PREX2: variants seen among roughly 807,000 people sequenced by gnomAD.
The protein encoded by PREX2 is phosphatidylinositol 3,4,5-trisphosphate-dependent Rac exchanger 2 protein.
In PREX2, 107 loss-of-function variants were observed where a neutral mutation model predicts 203.2. The ratio of observed to expected loss-of-function variants is 0.53; its 90% confidence interval spans 0.45 to 0.62. PREX2 has a LOEUF of 0.62. Among genes scored for constraint, PREX2 ranks in the 20% least tolerant of loss-of-function variants. The pLI is 0.00. For synonymous variants in PREX2, 672 were observed against 663.6 expected, an observed-to-expected ratio of 1.01 and a Z score of -0.19; for missense variants, 1,777 against 1,955.9, an observed-to-expected ratio of 0.91 and a Z score of 1.72.
At chr8:68,040,176 A>G (rs1808154843) in intron 7 of PREX2, among the ~76,000 whole-genome samples, 1 of 152,122 alleles carries the variant, frequency 6.6e-6, no homozygotes, top group African/African-American at 2.4e-5. Flanking sequence ...CTATAGGCGC[A>G]TGCTGCCACA....
chr8:68,136,304 G>A (rs937925366), intron 32 of PREX2, among the ~76,000 whole-genome samples: 1 of 152,038 alleles, frequency 6.6e-6, no homozygotes, highest in African/African-American at 2.4e-5. Context: ...ATTTATTTAA[G>A]GAATTGATTT....
At chr8:68,183,783 ACTAC>A (rs1169058892) in intron 35 of PREX2, among the ~76,000 whole-genome samples, 6 of 152,182 alleles carry the variant, frequency 3.9e-5, no homozygotes, top group Non-Finnish European at 7.3e-5. Context: ...GTGTGTCTCC[ACTAC>A]CTCTCACAAC....
intron 31 of PREX2, among the ~76,000 whole-genome samples, chr8:68,129,446 A>C (rs776748231): frequency 6.6e-6 from 1 of 152,148 alleles, no homozygotes; most frequent in Non-Finnish European, 1.5e-5. Flanking sequence ...AGGAGCCAAA[A>C]TACTTTATAT....
intron 9 of PREX2, among the ~76,000 whole-genome samples, chr8:68,055,591 A>C (rs1209432477): frequency 6.6e-6 from 1 of 152,074 alleles, no homozygotes; most frequent in Non-Finnish European, 1.5e-5. Context: ...CCCTGGCTAA[A>C]GCTTTATGCC....
At chr8:68,206,860 A>G (rs1812635841) in intron 37 of PREX2, among the ~76,000 whole-genome samples, 1 of 152,172 alleles carries the variant, frequency 6.6e-6, no homozygotes, top group South Asian at 2.1e-4. Flanking sequence ...CGCATTGGGA[A>G]GCCAGACAGC....
At chr8:68,101,691 T>G (rs540929455) in intron 23 of PREX2, among the ~76,000 whole-genome samples, 2 of 152,304 alleles carry the variant, frequency 1.3e-5, no homozygotes, top group East Asian at 3.9e-4. Context: ...AAAAGAGAGT[T>G]GTTCTACTTT....
At chr8:68,015,288 C>T (rs965471272) in intron 1 of PREX2, among the ~76,000 whole-genome samples, 9 of 152,130 alleles carry the variant, frequency 5.9e-5, no homozygotes, top group African/African-American at 2.2e-4. Context: ...CACGATTTTG[C>T]GTTCTCAGCA....
intron 10 of PREX2, among the ~76,000 whole-genome samples, chr8:68,059,952 C>T (rs1808798305): frequency 6.6e-6 from 1 of 152,212 alleles, no homozygotes; most frequent in African/African-American, 2.4e-5. Context: ...TCCTGTCATG[C>T]CACTAGCCTG....
intron 32 of PREX2, 38 bp from the exon 33 acceptor site, chr8:68,138,377 A>G (rs1811153856): frequency 9.1e-7 from 1 of 1,100,582 alleles, no homozygotes; most frequent in Non-Finnish European, 1.3e-6. Flanking sequence ...ATTGCTTTAT[A>G]TCATCTTGTA....
At position 68,097,112 on chromosome 8, in the gene PREX2, G is replaced by C; in HGVS notation, c.2464G>C (p.Val822Leu). The C allele has an allele frequency of 6.2e-7, 1 of 1,613,980 alleles. No individual in the cohort carries two copies. The highest frequency in any genetic ancestry group is 2.2e-5 in the East Asian group (1 of 44,858). ...CAATGTCCACCTGGAATATGGTGTCGTGTATGAGTACGACAGCACAGCTGG... is the reference window on the plus strand; with the variant it reads ...CAATGTCCACCTGGAATATGGTGTCCTGTATGAGTACGACAGCACAGCTGG... ...VDNVHLEYGV[V>L]YEYDSTAGIK... The change falls in exon 22 of 40, where the codon GTG (valine) becomes CTG (leucine). Residue 822 changes from valine (V) to leucine (L), a missense_variant. By Grantham distance (32) the Val-to-Leu change is conservative. Coordinates refer to ENST00000288368, the MANE Select transcript of PREX2 (RefSeq NM_024870.4).
chr8:68,139,598 C>T (rs1811185214), intron 33 of PREX2, among the ~76,000 whole-genome samples: 1 of 152,118 alleles, frequency 6.6e-6, no homozygotes, highest in African/African-American at 2.4e-5. Flanking sequence ...ATTCTAGGAC[C>T]AAGGGCAGAA....
intron 35 of PREX2, among the ~76,000 whole-genome samples, chr8:68,174,163 C>A (rs1444371625): frequency 2.6e-5 from 4 of 152,090 alleles, no homozygotes; most frequent in African/African-American, 9.7e-5. Flanking sequence ...ATGTACCATG[C>A]AGGTGAATGA....
intron 11 of PREX2, among the ~76,000 whole-genome samples, chr8:68,061,014 G>T (rs1314482090): frequency 6.6e-6 from 1 of 152,166 alleles, no homozygotes; most frequent in African/African-American, 2.4e-5. Context: ...AGAAAATAGA[G>T]AAGTGGGATT....
At chr8:68,211,411 T>G (rs1812740101) in intron 37 of PREX2, among the ~76,000 whole-genome samples, 1 of 152,338 alleles carries the variant, frequency 6.6e-6, no homozygotes, top group East Asian at 1.9e-4. Flanking sequence ...AGTTGAAATA[T>G]GATGAGATCT....
At chr8:68,044,071 G>T (rs1808271799) in intron 7 of PREX2, among the ~76,000 whole-genome samples, 1 of 152,026 alleles carries the variant, frequency 6.6e-6, no homozygotes, top group Non-Finnish European at 1.5e-5. Context: ...TTTGAAGAGG[G>T]ATCATAAGTA....
chr8:68,167,067 A>G (rs1269864349), intron 35 of PREX2, among the ~76,000 whole-genome samples: 2 of 152,228 alleles, frequency 1.3e-5, no homozygotes, highest in Non-Finnish European at 2.9e-5. Flanking sequence ...ATGGGTCTAC[A>G]TCATTGCTGT....
chr8:68,159,240 T>C (rs76137563), intron 35 of PREX2, among the ~76,000 whole-genome samples: 1 of 152,330 alleles, frequency 6.6e-6, no homozygotes, highest in East Asian at 1.9e-4. Context: ...CGGCATACTA[T>C]AGTTTTTTTC....
At chr8:68,046,961 G>A (rs116837098) in intron 8 of PREX2, among the ~76,000 whole-genome samples, 1,839 of 152,082 alleles carry the variant, frequency 0.012, 36 homozygotes, top group African/African-American at 0.042. Flanking sequence ...TACCCCAATA[G>A]CATTTCAGAT....
At chr8:67,970,142 T>C (rs1414597698) in intron 1 of PREX2, among the ~76,000 whole-genome samples, 1 of 152,192 alleles carries the variant, frequency 6.6e-6, no homozygotes, top group African/African-American at 2.4e-5. Flanking sequence ...TTGTTTTGTT[T>C]ATTGACCTGA....
Sources: gnomAD v4.1 joint callset for allele counts (sites outside exome capture counted in the v4.1 genomes callset) on GRCh38, gnomAD v4.1.1 for gene constraint, MANE v1.5 for transcripts, NCBI Gene and HGNC (gene_info 2026-07-23, HGNC 2026-07-21) for gene names.